The following CACNA2D1 variants were observed in gnomAD, a reference collection of about 807,000 sequenced individuals.
CACNA2D1 encodes the protein calcium voltage-gated channel auxiliary subunit alpha2delta 1.
CACNA2D1 carries 53 observed loss-of-function variants against 171.5 expected under a neutral mutation model. The observed-to-expected ratio is 0.31, with a 90% CI of 0.25 to 0.39. The LOEUF (loss-of-function observed/expected upper bound fraction) is 0.39. CACNA2D1 is among the 10% of genes least tolerant of loss of function. The probability of loss-of-function intolerance (pLI) is 1.00; values close to 1 mark genes in which losing one functional copy is unlikely to be tolerated. For missense variants in CACNA2D1, 903 were observed against 1,299.8 expected, an observed-to-expected ratio of 0.69 and a Z score of 4.69; for synonymous variants, 442 against 443.1, an observed-to-expected ratio of 1.00 and a Z score of 0.03.
chr7:82,034,540 A>ATCTTC (rs1424065289), intron 11 of CACNA2D1, among the ~76,000 whole-genome samples: 3 of 152,098 alleles, frequency 2.0e-5, no homozygotes, highest in Non-Finnish European at 4.4e-5. Context: ...CTTTGAAGGT[A>ATCTTC]ACCTATCTGA....
chr7:82,203,038 C>CCCGGT (rs1799628689), intron 3 of CACNA2D1, among the ~76,000 whole-genome samples: 1 of 152,160 alleles, frequency 6.6e-6, no homozygotes, highest in African/African-American at 2.4e-5. Flanking sequence ...TGCTGTGCAA[C>CCCGGT]CCGGTCCCCC....
At chr7:82,182,382 G>A (rs1369278547) in intron 3 of CACNA2D1, among the ~76,000 whole-genome samples, 1 of 152,096 alleles carries the variant, frequency 6.6e-6, no homozygotes, top group African/African-American at 2.4e-5. Context: ...ATAAGGTTCT[G>A]TCTTTACAAA....
At chr7:82,169,104 A>AGC (rs1336633595) in intron 4 of CACNA2D1, among the ~76,000 whole-genome samples, 1 of 152,084 alleles carries the variant, frequency 6.6e-6, no homozygotes, top group Admixed American at 6.6e-5. Context: ...ACATATATTT[A>AGC]GCTAGATTTG....
intron 2 of CACNA2D1, among the ~76,000 whole-genome samples, chr7:82,336,521 G>C (rs943682570): frequency 1.3e-5 from 2 of 152,100 alleles, no homozygotes. Flanking sequence ...GAACTTATAA[G>C]TTTTCACTCA....
intron 3 of CACNA2D1, among the ~76,000 whole-genome samples, chr7:82,279,381 C>T (rs1327946345): frequency 2.6e-5 from 4 of 151,962 alleles, no homozygotes; most frequent in Non-Finnish European, 4.4e-5. Context: ...GAACAGTTGG[C>T]AATTCAAATT....
rs1307980887 is a variant in CACNA2D1, at chr7:81,947,701, A to G, written c.*2691T>C. The G allele has an allele frequency of 6.6e-6, 1 of 151,938 alleles. No homozygotes were observed. The highest frequency in any genetic ancestry group is 2.4e-5 in the African/African-American group (1 of 41,426). 9.4% of individuals were successfully genotyped at this position (151,938 alleles called of 1,614,324 possible). The stretch of plus-strand genomic sequence containing the variant: ...TGTACTGTTCAGTCGTTGGAAATCA[A>G]TATTAATAACAGGCTATAATTTAAG... On this transcript the variant is annotated 3_prime_UTR_variant, in exon 39 of 39. Transcript: ENST00000356860.
chr7:82,343,014 C>A (rs1457065217), intron 2 of CACNA2D1: 1 of 152,128 alleles, frequency 6.6e-6, no homozygotes, highest in Non-Finnish European at 1.5e-5. Flanking sequence ...CAAACACAAT[C>A]CAAACATATA....
chr7:82,322,808 GAACACCTGTGTATATAAA>G (rs1816160819), intron 3 of CACNA2D1, among the ~76,000 whole-genome samples: 1 of 152,066 alleles, frequency 6.6e-6, no homozygotes, highest in African/African-American at 2.4e-5. Context: ...CAGATGCAAA[GAACACCTGTGTATATAAA>G]AAAGCCAGGA....
At chr7:81,978,753 G>GTGTGTGTGTATATATATA (rs145105210) in intron 24 of CACNA2D1, among the ~76,000 whole-genome samples, 13 of 139,474 alleles carry the variant, frequency 9.3e-5, no homozygotes, top group African/African-American at 3.5e-4. Context: ...TTTAAAAAGT[G>GTGTGTGTGTATATATATA]TATATATATA....
At chr7:82,393,011 A>G (rs978509219) in intron 1 of CACNA2D1, among the ~76,000 whole-genome samples, 1 of 144,142 alleles carries the variant, frequency 6.9e-6, no homozygotes, top group African/African-American at 2.5e-5. Context: ...TTCAAATACA[A>G]TAATAAAGAG....
chr7:82,286,912 T>C (rs1439270881), intron 3 of CACNA2D1, among the ~76,000 whole-genome samples: 3 of 152,144 alleles, frequency 2.0e-5, no homozygotes, highest in Admixed American at 6.5e-5. Flanking sequence ...AACTTATCTA[T>C]AGGTTTCAAA....
intron 3 of CACNA2D1, among the ~76,000 whole-genome samples, chr7:82,296,725 T>A (rs577173709): frequency 6.6e-6 from 1 of 152,086 alleles, no homozygotes; most frequent in African/African-American, 2.4e-5. Flanking sequence ...ATGATTTCAT[T>A]TGTTATATAG....
chr7:81,971,672 A>G (rs1245439997), intron 26 of CACNA2D1, 105 bp downstream of exon 26: 1 of 716,666 alleles, frequency 1.4e-6, no homozygotes, highest in Admixed American at 2.1e-5. Context: ...AATATTAAAC[A>G]TTATTAATGA....
intron 3 of CACNA2D1, among the ~76,000 whole-genome samples, chr7:82,303,378 T>C (rs1053360308): frequency 2.6e-5 from 4 of 151,722 alleles, no homozygotes; most frequent in African/African-American, 9.7e-5. Flanking sequence ...TACAGATCCA[T>C]TGCAATATCT....
chr7:82,333,613 C>T (rs1301593707), intron 3 of CACNA2D1, among the ~76,000 whole-genome samples: 1 of 152,014 alleles, frequency 6.6e-6, no homozygotes, highest in Admixed American at 6.6e-5. Context: ...CCCACCACAT[C>T]CCTCCCACAA....
At chr7:81,978,768 T>TAC in intron 24 of CACNA2D1, among the ~76,000 whole-genome samples, 1 of 140,754 alleles carries the variant, frequency 7.1e-6, no homozygotes, top group South Asian at 2.2e-4. Context: ...TATATATATA[T>TAC]ATACACACAC....
intron 6 of CACNA2D1, among the ~76,000 whole-genome samples, chr7:82,089,302 G>T (rs1584705355): frequency 6.6e-6 from 1 of 152,120 alleles, no homozygotes; most frequent in East Asian, 1.9e-4. Context: ...ACTACCAGTT[G>T]CTGACAAATT....
At chr7:82,045,143 A>G (rs1804407129) in intron 10 of CACNA2D1, among the ~76,000 whole-genome samples, 1 of 152,094 alleles carries the variant, frequency 6.6e-6, no homozygotes, top group Admixed American at 6.6e-5. Flanking sequence ...TTTCTAGGTT[A>G]TCTGTTACCA....
intron 3 of CACNA2D1, among the ~76,000 whole-genome samples, chr7:82,280,583 C>A (rs888454915): frequency 1.6e-4 from 25 of 152,276 alleles, no homozygotes; most frequent in Middle Eastern, 3.4e-3. Flanking sequence ...ATTTAGAAAC[C>A]AATTTAGGAT....
Sources: allele counts gnomAD v4.1 joint callset (sites outside exome capture counted in the v4.1 genomes callset), GRCh38; gene constraint gnomAD v4.1.1; transcripts MANE v1.5; gene names NCBI Gene and HGNC (gene_info 2026-07-23, HGNC 2026-07-21).